The following PCDHA13 variants were observed in gnomAD, a reference collection of about 807,000 sequenced individuals.
PCDHA13 encodes the protein protocadherin alpha-13.
A neutral mutation model predicts 64.8 loss-of-function variants in PCDHA13; 54 were observed. That is an observed-to-expected ratio of 0.83 (90% confidence interval 0.67 to 1.04). The LOEUF is 1.04. PCDHA13 is among the 50% of genes least tolerant of loss of function. The pLI is 0.00. For synonymous variants in PCDHA13, 587 were observed against 564.4 expected (o/e 1.04, Z -0.57); for missense variants, 1,248 against 1,254.3 (o/e 0.99, Z 0.08).
chr5:141,002,689 T>C (rs2098092113), intron 3 of PCDHA13, among the ~76,000 whole-genome samples: 1 of 152,186 alleles, frequency 6.6e-6, no homozygotes, highest in African/African-American at 2.4e-5. Context: ...GACGTGCAGA[T>C]TTGTTTAACT....
intron 1 of PCDHA13, among the ~76,000 whole-genome samples, chr5:140,889,484 A>G (rs2062245315): frequency 6.6e-6 from 1 of 152,158 alleles, no homozygotes; most frequent in Admixed American, 6.5e-5. Context: ...TACTTTCTAC[A>G]GAATCTATAG....
intron 1 of PCDHA13, among the ~76,000 whole-genome samples, chr5:140,899,785 A>C (rs1460475621): frequency 6.6e-6 from 1 of 152,166 alleles, no homozygotes; most frequent in African/African-American, 2.4e-5. Flanking sequence ...CTCTGGTATA[A>C]TTCGGCTGTG....
chr5:140,979,434 A>G (rs1490433887), intron 2 of PCDHA13, among the ~76,000 whole-genome samples: 1 of 151,986 alleles, frequency 6.6e-6, no homozygotes, highest in South Asian at 2.1e-4. Context: ...CACATTGGCT[A>G]TTACATCCTA....
intron 1 of PCDHA13, among the ~76,000 whole-genome samples, chr5:140,947,317 G>A (rs1456422381): frequency 2.0e-5 from 3 of 151,480 alleles, no homozygotes; most frequent in Non-Finnish European, 4.4e-5. Flanking sequence ...TAAAAAGTCG[G>A]TTGACCATAA....
intron 1 of PCDHA13, among the ~76,000 whole-genome samples, chr5:140,920,771 G>A (rs1256445366): frequency 6.6e-6 from 1 of 151,698 alleles, no homozygotes; most frequent in African/African-American, 2.4e-5. Context: ...TTACACCTGG[G>A]AGGTGGAGGT....
intron 1 of PCDHA13, among the ~76,000 whole-genome samples, chr5:140,938,340 T>A (rs1210571018): frequency 6.6e-6 from 1 of 152,224 alleles, no homozygotes; most frequent in Non-Finnish European, 1.5e-5. Flanking sequence ...TAATGGATAA[T>A]CTTGTCTTAT....
At chr5:140,926,899 G>A (rs1554203765) in intron 1 of PCDHA13, 2 of 1,552,028 alleles carry the variant, frequency 1.3e-6, no homozygotes, top group Non-Finnish European at 1.7e-6. Context: ...GAGGATGGTG[G>A]GCTGTGGGGT....
chr5:140,882,748 A>C lies in PCDHA13; in HGVS notation c.480A>C (p.Ala160=). Reference sequence around the variant, plus strand: ...TTCCACTAGATGGCGCATCCGATGCAGATATTGGAGTAAACTCGGCATTGA... The same window carrying C: ...TTCCACTAGATGGCGCATCCGATGCCGATATTGGAGTAAACTCGGCATTGA... ...TRFPLDGASD[A]DIGVNSALTY... Residue 160 remains alanine, a synonymous_variant, in exon 1 of 4, where the codon GCA becomes GCC. Transcript: ENST00000289272. 2 of 1,614,258 alleles carry C rather than the reference A, an allele frequency of 1.2e-6. No homozygotes were observed. The highest frequency in any genetic ancestry group is 1.7e-6 in the Non-Finnish European group (2 of 1,180,044).
At chr5:140,962,494 A>T (rs1016662619) in intron 1 of PCDHA13, among the ~76,000 whole-genome samples, 4 of 152,130 alleles carry the variant, frequency 2.6e-5, no homozygotes, top group Admixed American at 2.6e-4. Context: ...CAATTTTCAG[A>T]CACCTCAGCC....
intron 1 of PCDHA13, chr5:140,926,752 C>T (rs1176032200): frequency 8.0e-7 from 1 of 1,254,344 alleles, no homozygotes; most frequent in Admixed American, 3.6e-5. Context: ...CGTCGGCGGT[C>T]GCTGAGTATC....
At chr5:140,941,754 T>A (rs2093159057) in intron 1 of PCDHA13, among the ~76,000 whole-genome samples, 1 of 152,256 alleles carries the variant, frequency 6.6e-6, no homozygotes, top group African/African-American at 2.4e-5. Context: ...AGATTTTCAG[T>A]GCTTTTAAGA....
chr5:140,976,244 A>G (rs996854178), intron 1 of PCDHA13, among the ~76,000 whole-genome samples: 1 of 152,160 alleles, frequency 6.6e-6, no homozygotes, highest in Non-Finnish European at 1.5e-5. Context: ...CATTTCATGT[A>G]AATTTATTTA....
chr5:140,978,036 C>T (rs1460377915), intron 1 of PCDHA13, among the ~76,000 whole-genome samples: 22 of 152,268 alleles, frequency 1.4e-4, no homozygotes, highest in Admixed American at 1.4e-3. Context: ...TGATACAAGA[C>T]AGTGATGGTG....
chr5:140,923,641 T>C (rs2081461052), intron 1 of PCDHA13, among the ~76,000 whole-genome samples: 1 of 152,230 alleles, frequency 6.6e-6, no homozygotes. Context: ...CAAAAATCTT[T>C]AGCCTCCCTT....
intron 3 of PCDHA13, among the ~76,000 whole-genome samples, chr5:140,986,748 A>G (rs2097211627): frequency 6.6e-6 from 1 of 152,220 alleles, no homozygotes; most frequent in Non-Finnish European, 1.5e-5. Flanking sequence ...GGGATCTGGG[A>G]CTAAACAGTG....
At chr5:140,923,577 G>C (rs1456273088) in intron 1 of PCDHA13, among the ~76,000 whole-genome samples, 3 of 152,196 alleles carry the variant, frequency 2.0e-5, no homozygotes, top group Non-Finnish European at 4.4e-5. Context: ...CTGCTAAAGA[G>C]AAGGTTTGTT....
intron 1 of PCDHA13, among the ~76,000 whole-genome samples, chr5:140,942,264 G>T (rs868983277): frequency 5.9e-5 from 9 of 152,122 alleles, no homozygotes; most frequent in Non-Finnish European, 1.2e-4. Flanking sequence ...GATATCTAAA[G>T]CTGGTAATGG....
intron 1 of PCDHA13, chr5:140,928,813 C>T: frequency 6.2e-7 from 1 of 1,614,118 alleles, no homozygotes; most frequent in Non-Finnish European, 8.5e-7. Flanking sequence ...GGTTCGGGAC[C>T]ATGGAGACCC....
At chr5:140,997,129 C>T (rs983112049) in intron 3 of PCDHA13, among the ~76,000 whole-genome samples, 1 of 152,094 alleles carries the variant, frequency 6.6e-6, no homozygotes, top group Non-Finnish European at 1.5e-5. Flanking sequence ...ATACACAATG[C>T]CCCCACACCC....
Sources: allele counts gnomAD v4.1 joint callset (sites outside exome capture counted in the v4.1 genomes callset), GRCh38; gene constraint gnomAD v4.1.1; transcripts MANE v1.5; gene names NCBI Gene and HGNC (gene_info 2026-07-23, HGNC 2026-07-21).